ICE1: variants seen among roughly 807,000 people sequenced by gnomAD.
ICE1 encodes little elongation complex subunit 1.
In ICE1, 64 loss-of-function variants were observed where a neutral mutation model predicts 192.7. That is an observed-to-expected ratio of 0.33 (90% confidence interval 0.27 to 0.41). ICE1 has a LOEUF of 0.41. Ranked by LOEUF, ICE1 falls within the 10% of genes least tolerant of loss-of-function variation. The pLI is 1.00. For synonymous variants in ICE1, 1,010 were observed against 984.5 expected (o/e 1.03, Z -0.49); for missense variants, 2,708 against 2,696.0 (o/e 1.00, Z -0.10).
intron 1 of ICE1, among the ~76,000 whole-genome samples, chr5:5,427,764 G>A (rs1014668162): frequency 6.6e-6 from 1 of 152,206 alleles, no homozygotes; most frequent in African/African-American, 2.4e-5. Flanking sequence ...GAGCTTCGAT[G>A]TATATATGAT....
chr5:5,478,669 G>A (rs879455334), intron 17 of ICE1, among the ~76,000 whole-genome samples: 14 of 152,164 alleles, frequency 9.2e-5, no homozygotes, highest in Admixed American at 9.2e-4. Context: ...GAACAAAGCT[G>A]GAAGTGTCAC....
rs759026361 is a variant in ICE1 at position 5,463,708 on chromosome 5, A to C, written c.4374A>C (p.Glu1458Asp). 1 of 1,613,920 alleles carries C rather than the reference A, an allele frequency of 6.2e-7. No individual in the cohort carries two copies. Among genetic ancestry groups the C allele is most frequent in the Non-Finnish European group, 8.5e-7 (1 of 1,179,854 alleles). Residue 1458 changes from glutamate to aspartate, a missense_variant, in exon 13 of 19, where the codon GAA becomes GAC. By Grantham distance (45) the Glu-to-Asp change is conservative (BLOSUM62 2). Coordinates refer to ENST00000296564, the MANE Select transcript of ICE1 (RefSeq NM_015325.3). ...TTTCTCAGGATCAAGGAGAGCTGGA[A>C]GCTGGTTGCATCCCAGTGACTTCTG... ...IPISQDQGEL[E>D]AGCIPVTSAE...
intron 7 of ICE1, among the ~76,000 whole-genome samples, chr5:5,445,735 AT>A (rs369289020): frequency 0.14 from 20,875 of 144,554 alleles, 2,035 homozygotes; most frequent in East Asian, 0.35. Context: ...TTAAAAAAGA[AT>A]TTTTTTTTTT....
chr5:5,482,013 C>T (rs974371641), intron 17 of ICE1, among the ~76,000 whole-genome samples: 1 of 152,296 alleles, frequency 6.6e-6, no homozygotes, highest in Non-Finnish European at 1.5e-5. Flanking sequence ...TGTGACTGTA[C>T]TTTACCTTTC....
intron 18 of ICE1, 139 bp from the exon 19 acceptor site, chr5:5,489,010 T>G: frequency 1.4e-6 from 1 of 732,158 alleles, no homozygotes; most frequent in Non-Finnish European, 2.2e-6. Context: ...ATTTTTTTAC[T>G]GTGGGTTTTT....
rs568133058 is a variant in ICE1, at chr5:5,423,044, C to T, written c.84+45C>T. On this transcript the variant is annotated intron_variant, in intron 1 of 18. Transcript: ENST00000296564. ...CCCGGGCGCGGGGGGGGACTCGGCTCGGCCGGCCGGGAGCGCAGGGATGTG... is the reference window on the plus strand; with the variant it reads ...CCCGGGCGCGGGGGGGGACTCGGCTTGGCCGGCCGGGAGCGCAGGGATGTG... The T allele has an allele frequency of 1.9e-3, 2,475 of 1,281,334 alleles. 2 individuals are homozygous for T. Among genetic ancestry groups the T allele is most frequent in the Non-Finnish European group, 2.3e-3 (2,302 of 1,003,024 alleles). The allele number at this position is 1,281,334 out of a possible 1,614,324, so 79.4% of individuals were successfully genotyped here.
At chr5:5,468,546 T>C (rs1739060024) in intron 14 of ICE1, among the ~76,000 whole-genome samples, 1 of 152,246 alleles carries the variant, frequency 6.6e-6, no homozygotes, top group Non-Finnish European at 1.5e-5. Context: ...TAAAAACCTA[T>C]GTAATGTAAT....
rs1366754674 is a variant in ICE1, at chr5:5,461,801, A to G, written c.2467A>G (p.Met823Val). Residue 823 changes from methionine to valine, a missense_variant, in exon 13 of 19, where the codon ATG becomes GTG. By Grantham distance (21) the Met-to-Val change is conservative (BLOSUM62 1). This residue lies in a region of ICE1 where 2,366 missense variants were observed against 2,276.6 expected (regional missense o/e 1.04). Coordinates refer to ENST00000296564, the MANE Select transcript of ICE1 (RefSeq NM_015325.3). ...GACTAGCCATCAGTTACAAAAGGCA[A>G]TGCCATTCCTACAAAATAGAGGACC... ...QKTSHQLQKA[M>V]PFLQNRGPTP... 5 of 1,614,032 alleles carry G rather than the reference A, an allele frequency of 3.1e-6. No individual in the cohort carries two copies. Among genetic ancestry groups the G allele is most frequent in the East Asian group, 2.2e-5 (1 of 44,880 alleles).
chr5:5,457,555 G>A lies in ICE1; in HGVS notation c.915G>A (p.Glu305=), dbSNP rs747576317. ...DHVFNENGNL[E]VLVQSHRDGG... ...TTTTTAATGAGAATGGAAATCTTGAGGTTTTAGTACAAAGTCATCGTGACG... is the reference window on the plus strand; with the variant it reads ...TTTTTAATGAGAATGGAAATCTTGAAGTTTTAGTACAAAGTCATCGTGACG... The change falls in exon 12 of 19, where the codon GAG becomes GAA. Residue 305 remains glutamate, a synonymous_variant. Coordinates refer to ENST00000296564, the MANE Select transcript of ICE1 (RefSeq NM_015325.3). The A allele has an allele frequency of 9.9e-6, 16 of 1,613,790 alleles. No homozygotes were observed. The South Asian group carries it at 1.8e-4, about 18-fold the overall frequency.
In ICE1 at chr5:5,422,687, G is replaced by A; in HGVS notation, c.-229G>A. On this transcript the variant is annotated 5_prime_UTR_variant, in exon 1 of 19. Transcript: ENST00000296564. ...GGCGGGGCCCTGACTGGACTGCGTC[G>A]CGCTCGGGGGCCGCGCCGGGTAGCG... 3.0e-6 allele frequency: 1 copy of A among 329,024 alleles called. No homozygotes were observed. Among genetic ancestry groups the A allele is most frequent in the East Asian group, 4.6e-5 (1 of 21,710 alleles). 20.4% of individuals were successfully genotyped at this position (329,024 alleles called of 1,614,324 possible).
At chr5:5,459,362 G>C (rs1385670123) in intron 12 of ICE1, among the ~76,000 whole-genome samples, 1 of 152,150 alleles carries the variant, frequency 6.6e-6, no homozygotes, top group Non-Finnish European at 1.5e-5. Context: ...CCCTGTTTGG[G>C]AGAATAATGT....
In ICE1 at chr5:5,464,249, C is replaced by G. The variant is rs1290283624; in HGVS notation, c.4915C>G (p.Leu1639Val). 1 of 1,613,688 alleles carries G rather than the reference C, an allele frequency of 6.2e-7. No homozygotes were observed. Among genetic ancestry groups the G allele is most frequent in the Non-Finnish European group, 8.5e-7 (1 of 1,179,844 alleles). Residue 1639 changes from leucine (L) to valine (V), a missense_variant, in exon 13 of 19, where the codon CTG (leucine) becomes GTG (valine). Physicochemically the swap from Leu to Val is conservative, Grantham distance 32. Around this residue, in one of 2 missense-constraint regions of ICE1, gnomAD observed 2,366 missense variants for 2,276.6 expected, o/e 1.04. Transcript: ENST00000296564. The surrounding 1 kb of genome is among the most constrained non-coding windows in gnomAD (Gnocchi z 4.0). ...TCCTTTGCCGCCTCTGCTTGCTCCT[C>G]TGATAGCTACACCTCCAAGGACTTC... ...GPPLPPLLAPLIATPPRTSQP... is the reference protein window; with the variant it reads ...GPPLPPLLAPVIATPPRTSQP...
At position 5,463,337 on chromosome 5, in the gene ICE1, G is replaced by A. The variant is rs1278437715; in HGVS notation, c.4003G>A (p.Gly1335Ser). Residue 1335 changes from glycine to serine, a missense_variant, in exon 13 of 19, where the codon GGT (glycine) becomes AGT (serine). By Grantham distance (56) the Gly-to-Ser change is moderately conservative (BLOSUM62 0). This residue lies in a region of ICE1 where 2,366 missense variants were observed against 2,276.6 expected (regional missense o/e 1.04). Transcript: ENST00000296564. ...LDTEGSSPIS[G>S]MPQNENPQSR... is the part of the protein sequence containing the mutation. ...CACTGAGGGCAGCTCTCCCATCAGC[G>A]GTATGCCTCAGAATGAAAACCCTCA... The A allele has an allele frequency of 6.2e-6, 10 of 1,613,584 alleles. No homozygotes were observed. Among genetic ancestry groups the A allele is most frequent in the East Asian group, 2.2e-5 (1 of 44,840 alleles).
In ICE1 at chr5:5,436,297, CAT is replaced by C. The variant is rs1331606566; in HGVS notation, c.85-120_85-119del. 37 of 600,136 alleles carry C rather than the reference CAT, an allele frequency of 6.2e-5. 2 individuals carry two copies. The South Asian group carries it at 9.5e-4, about 15-fold the overall frequency. The allele number at this position is 600,136 out of a possible 1,614,324, so 37.2% of individuals were successfully genotyped here. On this transcript the variant is annotated intron_variant, in intron 1 of 18. Coordinates refer to ENST00000296564, the MANE Select transcript of ICE1 (RefSeq NM_015325.3). Reference sequence around the variant, plus strand: ...TGTGCTCTACACAATATAAGTAATGCATTAACATTTCTATGTTTATATAATTA... The same window carrying C: ...TGTGCTCTACACAATATAAGTAATGCTAACATTTCTATGTTTATATAATTA...
intron 10 of ICE1, among the ~76,000 whole-genome samples, chr5:5,449,363 C>T (rs367630876): frequency 6.6e-6 from 1 of 151,836 alleles, no homozygotes; most frequent in East Asian, 1.9e-4. Flanking sequence ...GCAAAGTAAG[C>T]ACCAGAGTAT....
chr5:5,457,401 G>A lies in ICE1; in HGVS notation c.761G>A (p.Gly254Asp), dbSNP rs780119606. The change falls in exon 12 of 19, where the codon GGC becomes GAC. Residue 254 changes from glycine (G) to aspartate (D), a missense_variant. Physicochemically the swap from Gly to Asp is moderately conservative, Grantham distance 94. Coordinates refer to ENST00000296564, the MANE Select transcript of ICE1 (RefSeq NM_015325.3). ...GEDGTLPPTQ[G>D]SPLRTSNVQT... is the part of the protein sequence containing the mutation. ...GATGGTACGCTACCTCCAACACAGG[G>A]CAGCCCTCTCAGGACCTCAAATGTG... The A allele has an allele frequency of 1.1e-5, 17 of 1,613,574 alleles. No individual in the cohort carries two copies. Among genetic ancestry groups the A allele is most frequent in the Non-Finnish European group, 1.3e-5 (15 of 1,179,806 alleles).
intron 17 of ICE1, among the ~76,000 whole-genome samples, chr5:5,483,907 C>T (rs1364599520): frequency 6.6e-6 from 1 of 152,186 alleles, no homozygotes; most frequent in Admixed American, 6.5e-5. Context: ...CCTTTGCAAA[C>T]TTGCATCCAG....
At chr5:5,444,787 C>T (rs966272143) in intron 7 of ICE1, among the ~76,000 whole-genome samples, 1 of 152,084 alleles carries the variant, frequency 6.6e-6, no homozygotes, top group South Asian at 2.1e-4. Context: ...CAGTTTGTAC[C>T]TGATCCTCAC....
chr5:5,436,829 C>T (rs1302322386), intron 2 of ICE1, among the ~76,000 whole-genome samples: 2 of 151,892 alleles, frequency 1.3e-5, no homozygotes, highest in African/African-American at 2.4e-5. Context: ...TTTTTGTTTT[C>T]AGCTTTGTAA....
Sources: allele counts gnomAD v4.1 joint callset (sites outside exome capture counted in the v4.1 genomes callset), GRCh38; gene constraint gnomAD v4.1.1; regional missense constraint gnomAD v4.1.1; non-coding constraint Gnocchi (gnomAD v3.1); transcripts MANE v1.5; gene names NCBI Gene and HGNC (gene_info 2026-07-23, HGNC 2026-07-21).